Variants in INTS4 observed in about 807,000 individuals in gnomAD.
The protein encoded by INTS4 is MSTP093.
INTS4 carries 70 observed loss-of-function variants against 119.5 expected under a neutral mutation model. The ratio of observed to expected loss-of-function variants is 0.59; its 90% CI spans 0.48 to 0.71. The LOEUF (loss-of-function observed/expected upper bound fraction) is 0.71, where lower values mean the gene tolerates loss of function less well. Among genes scored for constraint, INTS4 ranks in the 30% least tolerant of loss-of-function variants. The probability of loss-of-function intolerance (pLI) is 0.00; values close to 1 mark genes in which losing one functional copy is unlikely to be tolerated. For synonymous variants in INTS4, 316 were observed against 419.6 expected, an observed-to-expected ratio of 0.75 and a Z score of 3.02; for missense variants, 867 against 1,173.2, an observed-to-expected ratio of 0.74 and a Z score of 3.81.
chr11:77,914,341 C>A (rs1257303772), intron 15 of INTS4, among the ~76,000 whole-genome samples: 1 of 152,196 alleles, frequency 6.6e-6, no homozygotes, highest in East Asian at 1.9e-4. Flanking sequence ...GTGCCTTTTG[C>A]ACTTGCTTTA....
At chr11:77,940,694 T>C (rs957626758) in intron 9 of INTS4, among the ~76,000 whole-genome samples, 3 of 152,172 alleles carry the variant, frequency 2.0e-5, no homozygotes, top group African/African-American at 7.2e-5. Context: ...TGGAGTGCAG[T>C]GGTGCGATCT....
intron 6 of INTS4, among the ~76,000 whole-genome samples, chr11:77,959,588 T>C (rs756770820): frequency 3.4e-4 from 52 of 152,174 alleles, no homozygotes; most frequent in Non-Finnish European, 6.6e-4. Flanking sequence ...CTTTGAATTA[T>C]TTGGCTTCCC....
At chr11:77,994,212 G>A (rs1295059148) in intron 1 of INTS4, among the ~76,000 whole-genome samples, 2 of 152,014 alleles carry the variant, frequency 1.3e-5, no homozygotes, top group South Asian at 2.1e-4. Flanking sequence ...GGCTAGAAGG[G>A]GCTCTGCTGC....
rs548752799 is a variant in INTS4 at position 77,938,882 on chromosome 11, T to C, written c.991-57A>G. The C allele has an allele frequency of 6.0e-4, 787 of 1,303,408 alleles. 4 individuals carry two copies. In the African/African-American group the frequency reaches 0.011, roughly 18 times the overall value. The allele number at this position is 1,303,408 out of a possible 1,614,324, so 80.7% of individuals were successfully genotyped here. A position where few individuals can be genotyped will look rare whatever the true frequency, so the allele number is the denominator to read the frequency against. ...GGAGGTTCATGAAGGAACACTAAGA[T>C]GAACCCTGAGAACATGGGAAGGCAG... is the stretch of plus-strand genomic sequence containing the variant. On this transcript the variant is annotated intron_variant, in intron 9 of 22. Transcript: ENST00000534064.
intron 8 of INTS4, among the ~76,000 whole-genome samples, chr11:77,945,304 C>T (rs1238440589): frequency 6.6e-6 from 1 of 152,212 alleles, no homozygotes; most frequent in Admixed American, 6.5e-5. Flanking sequence ...GGAGAGTAGC[C>T]AAGAGATCAT....
intron 6 of INTS4, 72 bp from the exon 7 acceptor site, chr11:77,958,906 G>C: frequency 1.0e-6 from 1 of 996,642 alleles, no homozygotes. Context: ...TTTTCAAAGT[G>C]AAGATAGGGT....
intron 14 of INTS4, among the ~76,000 whole-genome samples, chr11:77,919,325 CTT>C (rs1953282733): frequency 6.6e-6 from 1 of 151,346 alleles, no homozygotes; most frequent in Non-Finnish European, 1.5e-5. Flanking sequence ...GAGTTTCACT[CTT>C]GTTGCCCAGA....
At chr11:77,962,789 T>C (rs1317657287) in intron 4 of INTS4, among the ~76,000 whole-genome samples, 2 of 151,848 alleles carry the variant, frequency 1.3e-5, no homozygotes, top group East Asian at 3.9e-4. Context: ...AGTGAGTCAC[T>C]AGTGCGGAGA....
intron 19 of INTS4, 118 bp downstream of exon 19, chr11:77,894,172 T>C (rs1489456006): frequency 1.2e-5 from 7 of 600,244 alleles, no homozygotes; most frequent in Admixed American, 3.7e-5. Context: ...CCACAGATGA[T>C]AGCTTGGCTG....
chr11:77,953,400 G>C (rs1202923302), intron 8 of INTS4, among the ~76,000 whole-genome samples: 1 of 151,982 alleles, frequency 6.6e-6, no homozygotes, highest in Non-Finnish European at 1.5e-5. Context: ...CATTTTCATA[G>C]ACTGTATCTC....
At chr11:77,970,119 A>T (rs1333481544) in intron 4 of INTS4, among the ~76,000 whole-genome samples, 1 of 152,196 alleles carries the variant, frequency 6.6e-6, no homozygotes, top group Non-Finnish European at 1.5e-5. Context: ...CCATAGGGCC[A>T]GGTGCAGTGG....
At chr11:77,937,910 C>A (rs190577322) in intron 10 of INTS4, among the ~76,000 whole-genome samples, 1 of 151,948 alleles carries the variant, frequency 6.6e-6, no homozygotes, top group Admixed American at 6.6e-5. Context: ...TGCAGTGGCA[C>A]GATCTCAGCT....
chr11:77,986,060 C>G (rs1227025319), intron 2 of INTS4, among the ~76,000 whole-genome samples: 2 of 152,138 alleles, frequency 1.3e-5, no homozygotes, highest in African/African-American at 4.8e-5. Context: ...ATCTGGCATC[C>G]CTCCTCATTT....
At chr11:77,903,454 A>G (rs1304140978) in intron 17 of INTS4, 86 bp downstream of exon 17, 2 of 1,605,478 alleles carry the variant, frequency 1.2e-6, no homozygotes, top group African/African-American at 2.7e-5. Context: ...ACACAGACAG[A>G]GCTATAGGAA....
intron 15 of INTS4, among the ~76,000 whole-genome samples, chr11:77,912,357 A>G (rs1953107936): frequency 1.3e-5 from 2 of 149,438 alleles, no homozygotes; most frequent in African/African-American, 5.0e-5. Context: ...GGGAGACTCC[A>G]TCTCCAAAAA....
At chr11:77,981,049 T>C (rs1192735030) in intron 3 of INTS4, among the ~76,000 whole-genome samples, 2 of 151,882 alleles carry the variant, frequency 1.3e-5, no homozygotes, top group Non-Finnish European at 1.5e-5. Context: ...CAGGTTTCAG[T>C]GTAAGCTGAA....
At chr11:77,906,809 A>C (rs1351949158) in intron 16 of INTS4, among the ~76,000 whole-genome samples, 1 of 152,200 alleles carries the variant, frequency 6.6e-6, no homozygotes, top group Non-Finnish European at 1.5e-5. Flanking sequence ...CACTTTGAAA[A>C]CAAAGAACAC....
downstream of INTS4, chr11:77,877,176 G>A (rs1951622215): frequency 3.2e-6 from 2 of 624,724 alleles, no homozygotes; most frequent in Admixed American, 5.0e-5. Flanking sequence ...TTTCCTAATT[G>A]TGTGACCTAG....
intron 8 of INTS4, among the ~76,000 whole-genome samples, chr11:77,951,480 A>AT (rs1288290854): frequency 6.6e-6 from 1 of 152,184 alleles, no homozygotes; most frequent in Non-Finnish European, 1.5e-5. Context: ...CTGAAACTGG[A>AT]TCCCTTCCTT....
Sources: allele counts gnomAD v4.1 joint callset (sites outside exome capture counted in the v4.1 genomes callset), GRCh38; gene constraint gnomAD v4.1.1; transcripts MANE v1.5; gene names NCBI Gene and HGNC (gene_info 2026-07-23, HGNC 2026-07-21).